Variants in COL14A1 observed in about 807,000 individuals in gnomAD.
COL14A1 encodes collagen alpha-1(XIV) chain.
A neutral mutation model predicts 230.3 loss-of-function variants in COL14A1; 136 were observed. The observed-to-expected ratio is 0.59, with a 90% CI of 0.51 to 0.68. The LOEUF is 0.68. Among genes scored for constraint, COL14A1 ranks in the 30% least tolerant of loss-of-function variants. COL14A1 has a pLI of 0.00. For missense variants in COL14A1, 1,976 were observed against 2,215.8 expected, an observed-to-expected ratio of 0.89 and a Z score of 2.17; for synonymous variants, 792 against 784.1, an observed-to-expected ratio of 1.01 and a Z score of -0.17.
intron 1 of COL14A1, among the ~76,000 whole-genome samples, chr8:120,142,627 A>G (rs1814950743): frequency 6.6e-6 from 1 of 152,198 alleles, no homozygotes; most frequent in Admixed American, 6.5e-5. Flanking sequence ...TGAATTTGTT[A>G]ATCTAAGAAA....
At chr8:120,327,398 C>T (rs1377475246) in intron 40 of COL14A1, among the ~76,000 whole-genome samples, 2 of 152,278 alleles carry the variant, frequency 1.3e-5, no homozygotes, top group East Asian at 3.9e-4. Flanking sequence ...TGGGATCAGG[C>T]AGAAGTTTAG....
At chr8:120,221,258 T>C (rs987726821) in intron 14 of COL14A1, among the ~76,000 whole-genome samples, 9 of 152,122 alleles carry the variant, frequency 5.9e-5, no homozygotes, top group African/African-American at 2.2e-4. Context: ...TAGGCTGAAG[T>C]TAAACTTTTA....
chr8:120,294,611 T>C (rs766915227), intron 34 of COL14A1, among the ~76,000 whole-genome samples: 17 of 151,662 alleles, frequency 1.1e-4, no homozygotes, highest in Non-Finnish European at 2.1e-4. Flanking sequence ...CATACCACCT[T>C]GTACTGTCTC....
rs10481145 is a variant in COL14A1 at position 120,251,761 on chromosome 8, C to G, written c.2752+995C>G. On this transcript the variant is annotated intron_variant, in intron 22 of 47. Transcript: ENST00000297848. ...ATATTAAAAAATATTTTCTCCTCTA[C>G]TAGCTTTTTAGTTAAATATCCAAAT... Among the ~76,000 whole-genome samples, 143 of 152,174 alleles carry G rather than the reference C, an allele frequency of 9.4e-4. 1 individual carries two copies. Among genetic ancestry groups the G allele is most frequent in the African/African-American group, 3.3e-3 (137 of 41,542 alleles).
intron 32 of COL14A1, among the ~76,000 whole-genome samples, chr8:120,285,508 T>C (rs62527051): frequency 0.13 from 20,132 of 149,362 alleles, 1,494 homozygotes; most frequent in Non-Finnish European, 0.16. Flanking sequence ...GCCTGGTTTC[T>C]ATTCTTTAAG....
At chr8:120,148,963 A>G (rs1712016774) in intron 2 of COL14A1, among the ~76,000 whole-genome samples, 1 of 152,184 alleles carries the variant, frequency 6.6e-6, no homozygotes, top group South Asian at 2.1e-4. Context: ...TTGTTTACAT[A>G]TTGTCTGTGG....
intron 8 of COL14A1, among the ~76,000 whole-genome samples, chr8:120,201,341 T>C (rs1359489436): frequency 6.6e-6 from 1 of 152,110 alleles, no homozygotes; most frequent in African/African-American, 2.4e-5. Context: ...AGGAGCCAGC[T>C]CATGCCAGTT....
intron 24 of COL14A1, among the ~76,000 whole-genome samples, chr8:120,264,756 C>A (rs1359591350): frequency 6.6e-6 from 1 of 152,132 alleles, no homozygotes; most frequent in Admixed American, 6.6e-5. Context: ...CTGGAACCAA[C>A]TAAATGCTGT....
At chr8:120,306,974 C>T (rs570301957) in intron 36 of COL14A1, among the ~76,000 whole-genome samples, 1 of 152,254 alleles carries the variant, frequency 6.6e-6, no homozygotes, top group African/African-American at 2.4e-5. Context: ...GAAAATTTAG[C>T]TAACACAGTA....
upstream of COL14A1, among the ~76,000 whole-genome samples, chr8:120,124,947 CT>C (rs1202137960): frequency 6.6e-6 from 1 of 152,174 alleles, no homozygotes; most frequent in African/African-American, 2.4e-5. Context: ...CGGCACGGGG[CT>C]GGCTTCTCCA....
intron 6 of COL14A1, 81 bp downstream of exon 6, chr8:120,197,027 C>T (rs1032594591): frequency 9.3e-6 from 13 of 1,390,856 alleles, no homozygotes; most frequent in Non-Finnish European, 1.2e-5. Context: ...TTCAAAAATT[C>T]CTTACAAAGT....
At chr8:120,328,989 C>T (rs1389570352) in intron 40 of COL14A1, among the ~76,000 whole-genome samples, 1 of 152,118 alleles carries the variant, frequency 6.6e-6, no homozygotes, top group Non-Finnish European at 1.5e-5. Flanking sequence ...GGTGCATGTT[C>T]ACTCCCTATC....
chr8:120,190,769 T>G (rs1311715074), intron 5 of COL14A1, among the ~76,000 whole-genome samples: 1 of 152,218 alleles, frequency 6.6e-6, no homozygotes, highest in Non-Finnish European at 1.5e-5. Context: ...TGATTTAGTC[T>G]TGGGAGGGTG....
chr8:120,147,885 C>T lies in COL14A1; in HGVS notation c.43C>T (p.Pro15Ser). The change falls in exon 2 of 48, where the codon CCT (proline) becomes TCT (serine). Residue 15 changes from proline to serine, a missense_variant. By Grantham distance (74) the Pro-to-Ser change is moderately conservative (BLOSUM62 -1). Around this residue, in one of 3 missense-constraint regions of COL14A1, gnomAD observed 181 missense variants for 178.6 expected, o/e 1.01. Coordinates refer to ENST00000297848, the MANE Select transcript of COL14A1 (RefSeq NM_021110.4). ...QRKMRYWLLP[P>S]FLAIVYFCTI... ...CAAGATGCGGTACTGGTTGCTTCCA[C>T]CTTTTTTGGCAATTGTTTATTTCTG... 1 of 1,613,994 alleles carries T rather than the reference C, an allele frequency of 6.2e-7. No homozygotes were observed. Among genetic ancestry groups the T allele is most frequent in the Non-Finnish European group, 8.5e-7 (1 of 1,179,966 alleles).
chr8:120,279,931 A>T lies in COL14A1; in HGVS notation c.3482-4A>T. ...ATCGGAAATCTGTTCTCTGTCTGCC[A>T]CAGGCTATAGCATTTTTGCAATTGG... On this transcript the variant is annotated splice_region_variant and splice_polypyrimidine_tract_variant and intron_variant, in intron 28 of 47. Transcript: ENST00000297848. 1 of 1,612,822 alleles carries T rather than the reference A, an allele frequency of 6.2e-7. No homozygotes were observed. Among genetic ancestry groups the T allele is most frequent in the East Asian group, 2.2e-5 (1 of 44,848 alleles).
intron 1 of COL14A1, among the ~76,000 whole-genome samples, chr8:120,146,940 T>C (rs1002443580): frequency 2.0e-5 from 3 of 152,088 alleles, no homozygotes; most frequent in African/African-American, 7.2e-5. Flanking sequence ...AGTAATAGAA[T>C]TGTAATCTAC....
chr8:120,334,010 G>A (rs1414627984), intron 42 of COL14A1, among the ~76,000 whole-genome samples: 3 of 152,134 alleles, frequency 2.0e-5, no homozygotes, highest in African/African-American at 7.2e-5. Context: ...TGCCACATAA[G>A]GTAACATATT....
chr8:120,237,245 C>A (rs1818474433), intron 19 of COL14A1, among the ~76,000 whole-genome samples: 1 of 152,178 alleles, frequency 6.6e-6, no homozygotes, highest in Admixed American at 6.5e-5. Flanking sequence ...TTCAGGTATA[C>A]CAATCAAACG....
At chr8:120,227,022 A>T (rs1239027226) in intron 16 of COL14A1, among the ~76,000 whole-genome samples, 198 bp from the exon 17 acceptor site, 1 of 152,198 alleles carries the variant, frequency 6.6e-6, no homozygotes, top group African/African-American at 2.4e-5. Context: ...CAACTTTAAA[A>T]TGTCACTTTT....
Sources: allele counts gnomAD v4.1 joint callset (sites outside exome capture counted in the v4.1 genomes callset), GRCh38; gene constraint gnomAD v4.1.1; regional missense constraint gnomAD v4.1.1; transcripts MANE v1.5; gene names NCBI Gene and HGNC (gene_info 2026-07-23, HGNC 2026-07-21).